Variants in BTG4 observed in about 807,000 individuals in gnomAD.
The protein encoded by BTG4 is BTG anti-proliferation factor 4, also known as protein BTG4.
A neutral mutation model predicts 19.3 loss-of-function variants in BTG4; 10 were observed. That is an observed-to-expected ratio of 0.52 (90% confidence interval 0.32 to 0.88). The LOEUF (loss-of-function observed/expected upper bound fraction) is 0.88. Ranked by LOEUF, BTG4 falls within the 40% of genes least tolerant of loss-of-function variation. The pLI is 0.04. For missense variants in BTG4, 238 were observed against 281.9 expected (o/e 0.84, Z 1.11); for synonymous variants, 91 against 95.7 (o/e 0.95, Z 0.29).
At chr11:111,392,617 A>G in the BTG4 span, among the ~76,000 whole-genome samples, 2 of 152,158 alleles carry the variant, frequency 1.3e-5, no homozygotes, top group Non-Finnish European at 2.9e-5. Context: ...CAGGGATCAC[A>G]TGTGAGAACC....
At chr11:111,412,705 A>G in the BTG4 span, among the ~76,000 whole-genome samples, 1 of 152,238 alleles carries the variant, frequency 6.6e-6, no homozygotes, top group Non-Finnish European at 1.5e-5. Flanking sequence ...CAGAATCCCA[A>G]AGAGGTTAAG....
At chr11:111,411,455 G>A in the BTG4 span, among the ~76,000 whole-genome samples, 3 of 152,292 alleles carry the variant, frequency 2.0e-5, no homozygotes, top group African/African-American at 7.2e-5. Context: ...GTCTTACCAA[G>A]GCAGCCTTCC....
the BTG4 span, among the ~76,000 whole-genome samples, chr11:111,410,263 C>T: frequency 2.0e-5 from 3 of 151,994 alleles, no homozygotes; most frequent in Non-Finnish European, 2.9e-5. Flanking sequence ...AGCATCACAC[C>T]CAGCTAATTT....
At chr11:111,403,745 G>A in the BTG4 span, among the ~76,000 whole-genome samples, 1 of 152,156 alleles carries the variant, frequency 6.6e-6, no homozygotes, top group Non-Finnish European at 1.5e-5. Flanking sequence ...CTAAGGAAAT[G>A]GCACATGGGA....
At chr11:111,408,244 T>C in the BTG4 span, among the ~76,000 whole-genome samples, 4 of 152,316 alleles carry the variant, frequency 2.6e-5, no homozygotes, top group South Asian at 2.1e-4. Flanking sequence ...CTCCTTCTCA[T>C]TTATTTCCCT....
At chr11:111,387,760 G>T in the BTG4 span, among the ~76,000 whole-genome samples, 1 of 152,200 alleles carries the variant, frequency 6.6e-6, no homozygotes, top group Non-Finnish European at 1.5e-5. Flanking sequence ...AAGAAAGCCT[G>T]ATAGTTATTA....
chr11:111,507,664 G>C (rs898979433), intron 1 of BTG4, among the ~76,000 whole-genome samples: 1 of 152,166 alleles, frequency 6.6e-6, no homozygotes, highest in African/African-American at 2.4e-5. Context: ...AAATAGCTTG[G>C]TTTTTGTGAG....
intron 5 of BTG4, among the ~76,000 whole-genome samples, chr11:111,485,963 T>A (rs1488689398): frequency 6.6e-6 from 1 of 152,118 alleles, no homozygotes; most frequent in Non-Finnish European, 1.5e-5. Flanking sequence ...ACAGGACAAC[T>A]ATGCATCAAT....
At chr11:111,497,451 C>CT in intron 3 of BTG4, 42 bp from the exon 4 acceptor site, 1 of 1,261,870 alleles carries the variant, frequency 7.9e-7, no homozygotes, top group Non-Finnish European at 1.0e-6. Context: ...AGCGATTCAA[C>CT]TTTCTACAAG....
the BTG4 span, among the ~76,000 whole-genome samples, chr11:111,400,483 T>C: frequency 2.0e-5 from 3 of 152,216 alleles, no homozygotes; most frequent in African/African-American, 4.8e-5. Context: ...CAAAGTGCAG[T>C]ACAAACATAT....
chr11:111,423,035 T>C, the BTG4 span, among the ~76,000 whole-genome samples: 1 of 152,252 alleles, frequency 6.6e-6, no homozygotes, highest in African/African-American at 2.4e-5. Flanking sequence ...CTTTTCCAGG[T>C]GGGGACCCTG....
intron 1 of BTG4, among the ~76,000 whole-genome samples, chr11:111,500,757 C>T (rs545755024): frequency 4.0e-5 from 6 of 151,282 alleles, no homozygotes; most frequent in Non-Finnish European, 8.8e-5. Flanking sequence ...TTGCTTCCCT[C>T]CCTCTGAATA....
At chr11:111,388,667 A>G in the BTG4 span, among the ~76,000 whole-genome samples, 4 of 152,116 alleles carry the variant, frequency 2.6e-5, no homozygotes, top group Non-Finnish European at 5.9e-5. Flanking sequence ...CAGTGACCCT[A>G]TGACCTGGCA....
At chr11:111,455,177 C>T in the BTG4 span, 1 of 411,154 alleles carries the variant, frequency 2.4e-6, no homozygotes, top group South Asian at 1.7e-5. Context: ...TCCCTTAGCA[C>T]CTCCCCAACC....
chr11:111,429,182 G>T, the BTG4 span, among the ~76,000 whole-genome samples: 1 of 152,040 alleles, frequency 6.6e-6, no homozygotes, highest in Non-Finnish European at 1.5e-5. Context: ...CAGTACCCAA[G>T]AAACAGTTAC....
chr11:111,426,502 T>C, the BTG4 span, among the ~76,000 whole-genome samples: 1 of 152,134 alleles, frequency 6.6e-6, no homozygotes, highest in Non-Finnish European at 1.5e-5. Flanking sequence ...GTTTGCATTG[T>C]AGCGGTGGTG....
the BTG4 span, among the ~76,000 whole-genome samples, chr11:111,426,058 C>T: frequency 6.6e-6 from 1 of 152,038 alleles, no homozygotes; most frequent in Non-Finnish European, 1.5e-5. Flanking sequence ...GAGAAACTGA[C>T]CTGGGCTCTA....
the BTG4 span, among the ~76,000 whole-genome samples, chr11:111,405,202 G>A: frequency 2.0e-5 from 3 of 151,982 alleles, no homozygotes; most frequent in East Asian, 1.9e-4. Flanking sequence ...TCAGGAGTTC[G>A]AGGCCAGCCT....
the BTG4 span, chr11:111,453,560 C>A: frequency 4.8e-5 from 22 of 455,570 alleles, no homozygotes; most frequent in Non-Finnish European, 9.7e-5. Flanking sequence ...GACTCTGACG[C>A]CCCCAGGGTT....
Sources: allele counts gnomAD v4.1 joint callset (sites outside exome capture counted in the v4.1 genomes callset), GRCh38; gene constraint gnomAD v4.1.1; transcripts MANE v1.5; gene names NCBI Gene and HGNC (gene_info 2026-07-23, HGNC 2026-07-21).